The following GALNT17 variants were observed in gnomAD, a reference collection of about 807,000 sequenced individuals.
GALNT17 encodes UDP-GalNAc:polypeptide N-acetylgalactosaminyltransferase-like 3.
In GALNT17, 29 loss-of-function variants were observed where a neutral mutation model predicts 63.7. That is an observed-to-expected ratio of 0.46 (90% CI 0.34 to 0.62). GALNT17 has a LOEUF of 0.62. GALNT17 is among the 20% of genes least tolerant of loss of function. The pLI is 0.01. For synonymous variants in GALNT17, 305 were observed against 318.3 expected (o/e 0.96, Z 0.45); for missense variants, 603 against 799.6 (o/e 0.75, Z 2.97).
At chr7:71,701,820 TATATATACAC>T (rs1562742360) in intron 9 of GALNT17, among the ~76,000 whole-genome samples, 1 of 8,890 alleles carries the variant, frequency 1.1e-4, no homozygotes, top group African/African-American at 1.8e-4. Context: ...TATATACACA[TATATATACAC>T]ATATATATAT....
At chr7:71,614,449 C>G (rs372967247) in intron 6 of GALNT17, among the ~76,000 whole-genome samples, 1 of 152,096 alleles carries the variant, frequency 6.6e-6, no homozygotes, top group African/African-American at 2.4e-5. Context: ...GGTAACATAG[C>G]AAGATCTCAT....
intron 7 of GALNT17, among the ~76,000 whole-genome samples, chr7:71,668,535 A>AAAAAAAG (rs1562728885): frequency 1.3e-5 from 2 of 151,116 alleles, no homozygotes; most frequent in Non-Finnish European, 3.0e-5. Context: ...AAAAAAAAAA[A>AAAAAAAG]GACCATTTCA....
chr7:71,386,705 G>A (rs1356118260), intron 2 of GALNT17, among the ~76,000 whole-genome samples: 1 of 152,170 alleles, frequency 6.6e-6, no homozygotes, highest in East Asian at 1.9e-4. Context: ...TATGAGGGCT[G>A]CTGGGTATTC....
chr7:71,564,278 CTTTTTTTTTT>C (rs10539122), intron 5 of GALNT17, among the ~76,000 whole-genome samples: 50,830 of 99,262 alleles, frequency 0.51, 10,821 homozygotes, highest in African/African-American at 0.59. Flanking sequence ...CTTTTCTTTT[CTTTTTTTTTT>C]TTTTTTTTTT....
At chr7:71,445,777 G>T (rs1279032645) in intron 5 of GALNT17, among the ~76,000 whole-genome samples, 1 of 152,116 alleles carries the variant, frequency 6.6e-6, no homozygotes, top group East Asian at 1.9e-4. Flanking sequence ...CTTCCCACAG[G>T]ACCTTGGGCG....
intron 1 of GALNT17, among the ~76,000 whole-genome samples, chr7:71,254,857 A>G (rs568553742): frequency 6.6e-6 from 1 of 152,378 alleles, no homozygotes; most frequent in East Asian, 1.9e-4. Context: ...ACAGTCTGCT[A>G]CTGCGGCTTT....
intron 1 of GALNT17, among the ~76,000 whole-genome samples, chr7:71,302,759 C>T (rs186594318): frequency 6.6e-6 from 1 of 152,292 alleles, no homozygotes; most frequent in East Asian, 1.9e-4. Flanking sequence ...TGTTGAACTT[C>T]CCCCTTTCAA....
intron 5 of GALNT17, among the ~76,000 whole-genome samples, chr7:71,442,872 C>G (rs1486187411): frequency 6.6e-6 from 1 of 152,160 alleles, no homozygotes; most frequent in Non-Finnish European, 1.5e-5. Flanking sequence ...CCTTTATACA[C>G]TTGGTAGGAT....
chr7:71,605,282 G>A (rs1790028568), intron 6 of GALNT17, among the ~76,000 whole-genome samples: 1 of 151,990 alleles, frequency 6.6e-6, no homozygotes, highest in African/African-American at 2.4e-5. Context: ...TTCCGACAGA[G>A]GACTGGGTTC....
chr7:71,177,207 A>G (rs1788655544), intron 1 of GALNT17, among the ~76,000 whole-genome samples: 1 of 152,080 alleles, frequency 6.6e-6, no homozygotes, highest in Non-Finnish European at 1.5e-5. Flanking sequence ...TCCAAATCAA[A>G]CTCAGCATTA....
chr7:71,215,060 T>C (rs1347868253), intron 1 of GALNT17, among the ~76,000 whole-genome samples: 3 of 152,252 alleles, frequency 2.0e-5, no homozygotes, highest in East Asian at 1.9e-4. Context: ...AATTGTCTTA[T>C]CATTTTATCC....
At chr7:71,136,234 C>T (rs941568764) in intron 1 of GALNT17, among the ~76,000 whole-genome samples, 2 of 152,110 alleles carry the variant, frequency 1.3e-5, no homozygotes, top group Non-Finnish European at 2.9e-5. Flanking sequence ...TGCTCTCTTG[C>T]TCTGCAGCCG....
chr7:71,366,081 A>T (rs186649965), intron 2 of GALNT17, among the ~76,000 whole-genome samples: 1 of 152,162 alleles, frequency 6.6e-6, no homozygotes, highest in African/African-American at 2.4e-5. Flanking sequence ...TTGCACTCTT[A>T]CGAGAATCTA....
intron 3 of GALNT17, among the ~76,000 whole-genome samples, chr7:71,414,427 A>G (rs1793488158): frequency 6.6e-6 from 1 of 152,172 alleles, no homozygotes. Flanking sequence ...TGTAGCAGCC[A>G]TAAGGCTAGT....
chr7:71,357,365 T>G (rs1039599118), intron 2 of GALNT17, among the ~76,000 whole-genome samples: 1 of 152,054 alleles, frequency 6.6e-6, no homozygotes, highest in Admixed American at 6.6e-5. Flanking sequence ...TTATGAAAAT[T>G]TAATACCTTA....
chr7:71,160,164 A>G (rs185933311), intron 1 of GALNT17, among the ~76,000 whole-genome samples: 2 of 152,306 alleles, frequency 1.3e-5, no homozygotes, highest in East Asian at 3.9e-4. Flanking sequence ...AAATAAATTT[A>G]TCGTAATTCT....
chr7:71,222,397 A>AT, intron 1 of GALNT17, among the ~76,000 whole-genome samples: 1 of 151,862 alleles, frequency 6.6e-6, no homozygotes, highest in East Asian at 2.0e-4. Flanking sequence ...GGCTCAAATG[A>AT]TTCTCTTGCC....
At chr7:71,207,382 C>G (rs971361497) in intron 1 of GALNT17, among the ~76,000 whole-genome samples, 10 of 152,194 alleles carry the variant, frequency 6.6e-5, no homozygotes, top group African/African-American at 2.2e-4. Context: ...CCACCCACTT[C>G]TCTCCTTTCT....
At chr7:71,259,639 T>TTTTTTG in intron 1 of GALNT17, among the ~76,000 whole-genome samples, 1 of 94,510 alleles carries the variant, frequency 1.1e-5, no homozygotes, top group Non-Finnish European at 2.3e-5. Flanking sequence ...TTGTTTTTTG[T>TTTTTTG]TTTTTTGTTT....
Sources: gnomAD v4.1 joint callset for allele counts (sites outside exome capture counted in the v4.1 genomes callset) on GRCh38, gnomAD v4.1.1 for gene constraint, MANE v1.5 for transcripts, NCBI Gene and HGNC (gene_info 2026-07-23, HGNC 2026-07-21) for gene names.